The following ENTREP2 variants were observed in gnomAD, a reference collection of about 807,000 sequenced individuals.
ENTREP2 encodes protein ENTREP2.
chr15:29,643,780 C>CAAAA, the ENTREP2 span, among the ~76,000 whole-genome samples: 8 of 69,982 alleles, frequency 1.1e-4, no homozygotes, highest in African/African-American at 8.0e-5. Context: ...GACTCTGTCT[C>CAAAA]AAAAAAAAAA....
At chr15:29,277,661 C>A in the ENTREP2 span, among the ~76,000 whole-genome samples, 1 of 152,166 alleles carries the variant, frequency 6.6e-6, no homozygotes, top group Non-Finnish European at 1.5e-5. Flanking sequence ...GGCCAGGTTC[C>A]TAACAGGCCA....
chr15:29,304,057 AT>A, the ENTREP2 span, among the ~76,000 whole-genome samples: 1 of 151,842 alleles, frequency 6.6e-6, no homozygotes, highest in South Asian at 2.1e-4. Flanking sequence ...ATTTTTGTGT[AT>A]TTTTAGTAGA....
chr15:29,584,994 G>C, the ENTREP2 span, among the ~76,000 whole-genome samples: 578 of 75,280 alleles, frequency 7.7e-3, 4 homozygotes, highest in African/African-American at 0.022. Flanking sequence ...CTCAAAGATC[G>C]ATGGATAGAT....
At chr15:29,453,847 G>A in the ENTREP2 span, among the ~76,000 whole-genome samples, 5 of 152,138 alleles carry the variant, frequency 3.3e-5, no homozygotes, top group Non-Finnish European at 7.3e-5. Context: ...CGGTTTTAAT[G>A]GCCACAGAAT....
the ENTREP2 span, among the ~76,000 whole-genome samples, chr15:29,535,069 A>C: frequency 6.6e-6 from 1 of 151,628 alleles, no homozygotes; most frequent in South Asian, 2.1e-4. Context: ...ACACAGGGAG[A>C]CCTCGTCTCT....
the ENTREP2 span, among the ~76,000 whole-genome samples, chr15:29,627,704 C>A: frequency 6.6e-6 from 1 of 152,100 alleles, no homozygotes; most frequent in African/African-American, 2.4e-5. Context: ...ATACATTTGC[C>A]AGTCCTAGGT....
At chr15:29,458,532 C>A in the ENTREP2 span, among the ~76,000 whole-genome samples, 4 of 152,138 alleles carry the variant, frequency 2.6e-5, no homozygotes, top group African/African-American at 9.7e-5. Flanking sequence ...CTCAAAGCCT[C>A]CCTGCCCCTC....
chr15:29,189,697 G>A, the ENTREP2 span, among the ~76,000 whole-genome samples: 2 of 152,026 alleles, frequency 1.3e-5, no homozygotes, highest in East Asian at 1.9e-4. Context: ...AACATGTTAC[G>A]AAGCATATTT....
At chr15:29,508,696 CA>C in the ENTREP2 span, among the ~76,000 whole-genome samples, 6 of 152,190 alleles carry the variant, frequency 3.9e-5, no homozygotes, top group African/African-American at 1.4e-4. Flanking sequence ...CGATAAAATT[CA>C]ACACCCCTTC....
chr15:29,120,556 T>G, the ENTREP2 span: 1 of 152,180 alleles, frequency 6.6e-6, no homozygotes, highest in Admixed American at 6.5e-5. Flanking sequence ...TGCCATAGAG[T>G]TGGGGTCCAT....
the ENTREP2 span, among the ~76,000 whole-genome samples, chr15:29,653,971 C>G: frequency 6.6e-6 from 1 of 152,168 alleles, no homozygotes; most frequent in African/African-American, 2.4e-5. Context: ...CATTTCTGCT[C>G]AAGATTTCCA....
the ENTREP2 span, among the ~76,000 whole-genome samples, chr15:29,502,627 C>T: frequency 6.6e-6 from 1 of 151,940 alleles, no homozygotes; most frequent in South Asian, 2.1e-4. Context: ...ATGTTTCAAT[C>T]AGCCCTATCC....
At chr15:29,535,070 C>G in the ENTREP2 span, among the ~76,000 whole-genome samples, 2 of 151,772 alleles carry the variant, frequency 1.3e-5, no homozygotes, top group Non-Finnish European at 2.9e-5. Context: ...CACAGGGAGA[C>G]CTCGTCTCTA....
At chr15:29,594,960 G>C in the ENTREP2 span, among the ~76,000 whole-genome samples, 1 of 151,016 alleles carries the variant, frequency 6.6e-6, no homozygotes, top group Non-Finnish European at 1.5e-5. Context: ...CCCAGCTACT[G>C]GGGAGGCTGA....
At chr15:29,190,129 G>A in the ENTREP2 span, among the ~76,000 whole-genome samples, 2 of 152,166 alleles carry the variant, frequency 1.3e-5, no homozygotes, top group Non-Finnish European at 2.9e-5. Flanking sequence ...CCCAGGAGGA[G>A]CCACCTGCCC....
the ENTREP2 span, among the ~76,000 whole-genome samples, chr15:29,533,011 A>G: frequency 6.6e-6 from 1 of 152,170 alleles, no homozygotes; most frequent in Non-Finnish European, 1.5e-5. Flanking sequence ...GAGGAAGGGG[A>G]AATGGCCATG....
the ENTREP2 span, among the ~76,000 whole-genome samples, chr15:29,464,278 AAG>A: frequency 6.6e-6 from 1 of 152,294 alleles, no homozygotes; most frequent in African/African-American, 2.4e-5. Context: ...GAATAAAGAA[AAG>A]AAGGACAGCT....
the ENTREP2 span, among the ~76,000 whole-genome samples, chr15:29,580,162 A>T: frequency 6.6e-6 from 1 of 151,960 alleles, no homozygotes; most frequent in Non-Finnish European, 1.5e-5. Context: ...TTTGGTTTCT[A>T]AGCTTCTGGA....
At chr15:29,157,513 C>A in the ENTREP2 span, among the ~76,000 whole-genome samples, 1 of 152,178 alleles carries the variant, frequency 6.6e-6, no homozygotes, top group Non-Finnish European at 1.5e-5. Context: ...TCCATGTGCG[C>A]AGTAGCTGGC....
Sources: allele counts gnomAD v4.1 joint callset (sites outside exome capture counted in the v4.1 genomes callset), GRCh38; gene constraint gnomAD v4.1.1; transcripts MANE v1.5; gene names NCBI Gene and HGNC (gene_info 2026-07-23, HGNC 2026-07-21).